SDC2: variants seen among roughly 807,000 people sequenced by gnomAD.
SDC2 encodes syndecan-2.
A neutral mutation model predicts 22.2 loss-of-function variants in SDC2; 13 were observed. That is an observed-to-expected ratio of 0.59 (90% CI 0.38 to 0.93). SDC2 has a LOEUF of 0.93. Among genes scored for constraint, SDC2 ranks in the 40% least tolerant of loss-of-function variants. The probability of loss-of-function intolerance (pLI) is 0.00; values close to 1 mark genes in which losing one functional copy is unlikely to be tolerated. For synonymous variants in SDC2, 94 were observed against 92.8 expected (o/e 1.01, Z -0.07); for missense variants, 235 against 246.8 (o/e 0.95, Z 0.32).
chr8:96,589,263 T>A (rs1179925436), intron 1 of SDC2, among the ~76,000 whole-genome samples: 1 of 152,192 alleles, frequency 6.6e-6, no homozygotes, highest in Non-Finnish European at 1.5e-5. Flanking sequence ...TCACCAGATC[T>A]CTTCTTGGTG....
intron 1 of SDC2, among the ~76,000 whole-genome samples, chr8:96,549,929 G>A (rs999699203): frequency 1.3e-5 from 2 of 152,024 alleles, no homozygotes; most frequent in African/African-American, 2.4e-5. Flanking sequence ...CATTTTGAAC[G>A]TTGAACCTGA....
At chr8:96,556,752 A>G (rs1814120895) in intron 1 of SDC2, among the ~76,000 whole-genome samples, 2 of 151,748 alleles carry the variant, frequency 1.3e-5, no homozygotes, top group African/African-American at 2.4e-5. Context: ...AGCAATGGCA[A>G]CAAAAGCCAA....
At chr8:96,497,837 T>C (rs1308917029) in intron 1 of SDC2, among the ~76,000 whole-genome samples, 1 of 152,226 alleles carries the variant, frequency 6.6e-6, no homozygotes, top group African/African-American at 2.4e-5. Context: ...TCTCACTAGA[T>C]TGTCCTTCTT....
chr8:96,553,717 A>G (rs550218064), intron 1 of SDC2, among the ~76,000 whole-genome samples: 8 of 152,028 alleles, frequency 5.3e-5, no homozygotes, highest in African/African-American at 1.9e-4. Flanking sequence ...GCTTCAGAAT[A>G]TTGCCTTTAG....
chr8:96,500,901 A>G (rs1447082529), intron 1 of SDC2, among the ~76,000 whole-genome samples: 2 of 152,218 alleles, frequency 1.3e-5, no homozygotes, highest in Admixed American at 1.3e-4. Context: ...GAGTGGGAGA[A>G]GAGAGAAGCC....
At chr8:96,510,189 A>G (rs1813306726) in intron 1 of SDC2, among the ~76,000 whole-genome samples, 1 of 152,182 alleles carries the variant, frequency 6.6e-6, no homozygotes, top group African/African-American at 2.4e-5. Flanking sequence ...ACTGATTGGA[A>G]ATACATTCTG....
chr8:96,539,322 T>A (rs1345442905), intron 1 of SDC2, among the ~76,000 whole-genome samples: 1 of 152,258 alleles, frequency 6.6e-6, no homozygotes, highest in Non-Finnish European at 1.5e-5. Flanking sequence ...AATTATTTTC[T>A]TCAAACATTT....
intron 2 of SDC2, among the ~76,000 whole-genome samples, chr8:96,595,291 A>G (rs930262175): frequency 5.3e-5 from 8 of 152,100 alleles, no homozygotes; most frequent in Non-Finnish European, 2.9e-5. Flanking sequence ...CTAGCCATGT[A>G]AGAGTGAATG....
At position 96,493,815 on chromosome 8, in the gene SDC2, A is replaced by G. The variant is rs1813000025; in HGVS notation, c.-457A>G. Reference sequence around the variant, plus strand: ...CCCGCTTGGACGCGCTGCTCTCCAGATACCCCCGGAGCTCCAGCCGCGCGG... The same window carrying G: ...CCCGCTTGGACGCGCTGCTCTCCAGGTACCCCCGGAGCTCCAGCCGCGCGG... On this transcript the variant is annotated 5_prime_UTR_variant, in exon 1 of 5. Transcript: ENST00000302190. The G allele has an allele frequency of 1.3e-5, 2 of 159,250 alleles. No individual in the cohort carries two copies. Among genetic ancestry groups the G allele is most frequent in the African/African-American group, 2.4e-5 (1 of 41,570 alleles). The allele number at this position is 159,250 out of a possible 1,614,324, so 9.9% of individuals were successfully genotyped here.
chr8:96,501,497 G>A (rs774276609), intron 1 of SDC2, among the ~76,000 whole-genome samples: 2 of 151,338 alleles, frequency 1.3e-5, no homozygotes, highest in African/African-American at 2.4e-5. Flanking sequence ...TAGTAGAGAC[G>A]GGATTTCACC....
At chr8:96,570,393 T>G (rs1023748141) in intron 1 of SDC2, among the ~76,000 whole-genome samples, 1 of 152,224 alleles carries the variant, frequency 6.6e-6, no homozygotes, top group Non-Finnish European at 1.5e-5. Flanking sequence ...TTTATATGAT[T>G]GTATCACACT....
At chr8:96,599,690 G>T (rs1422274259) in intron 2 of SDC2, among the ~76,000 whole-genome samples, 1 of 152,154 alleles carries the variant, frequency 6.6e-6, no homozygotes, top group Admixed American at 6.5e-5. Context: ...ACTTGCCTAA[G>T]AGTACAGAGC....
intron 1 of SDC2, among the ~76,000 whole-genome samples, chr8:96,518,647 G>A (rs1813447590): frequency 6.6e-6 from 1 of 152,140 alleles, no homozygotes; most frequent in African/African-American, 2.4e-5. Flanking sequence ...GTGAGCCACC[G>A]TGCCTGGCCT....
At chr8:96,532,677 C>T (rs1407238965) in intron 1 of SDC2, among the ~76,000 whole-genome samples, 1 of 152,056 alleles carries the variant, frequency 6.6e-6, no homozygotes, top group African/African-American at 2.4e-5. Flanking sequence ...AAAAAACACA[C>T]TGTGAGGGAA....
chr8:96,582,391 C>T (rs1318335701), intron 1 of SDC2, among the ~76,000 whole-genome samples: 1 of 152,114 alleles, frequency 6.6e-6, no homozygotes, highest in Non-Finnish European at 1.5e-5. Context: ...AAAAACCCTA[C>T]CGTTCAGAAC....
chr8:96,571,857 A>C (rs936597512), intron 1 of SDC2, among the ~76,000 whole-genome samples: 1 of 152,232 alleles, frequency 6.6e-6, no homozygotes, highest in African/African-American at 2.4e-5. Flanking sequence ...GAGCAATAAT[A>C]GTATCATTAG....
intron 1 of SDC2, chr8:96,529,221 A>C (rs1338002945): frequency 6.6e-6 from 1 of 152,224 alleles, no homozygotes; most frequent in Non-Finnish European, 1.5e-5. Context: ...AGAGGAGATA[A>C]TTTTGGACAT....
At chr8:96,596,214 G>A (rs957476384) in intron 2 of SDC2, among the ~76,000 whole-genome samples, 3 of 152,174 alleles carry the variant, frequency 2.0e-5, no homozygotes, top group Non-Finnish European at 4.4e-5. Flanking sequence ...GGAGTTGGGC[G>A]TGAGAGTGTG....
intron 1 of SDC2, among the ~76,000 whole-genome samples, chr8:96,585,910 T>A (rs1475057179): frequency 2.6e-5 from 4 of 151,904 alleles, no homozygotes; most frequent in African/African-American, 4.8e-5. Context: ...ATGTACTGAT[T>A]ATTGCGCTGA....
Sources: allele counts gnomAD v4.1 joint callset (sites outside exome capture counted in the v4.1 genomes callset), GRCh38; gene constraint gnomAD v4.1.1; transcripts MANE v1.5; gene names NCBI Gene and HGNC (gene_info 2026-07-23, HGNC 2026-07-21).